BRINP3: variants seen among roughly 807,000 people sequenced by gnomAD.
The protein encoded by BRINP3 is BMP/retinoic acid-inducible neural-specific protein 3.
Under a neutral mutation model 71.0 loss-of-function variants are expected in BRINP3, and 19 were observed. The observed-to-expected ratio is 0.27, with a 90% CI of 0.19 to 0.39. The LOEUF (loss-of-function observed/expected upper bound fraction) is 0.39. BRINP3 is among the 10% of genes least tolerant of loss of function. The pLI is 1.00. For missense variants in BRINP3, 959 were observed against 940.8 expected (o/e 1.02, Z -0.25); for synonymous variants, 380 against 337.7 (o/e 1.13, Z -1.37).
chr1:190,440,090 G>A (rs560450154), intron 2 of BRINP3, among the ~76,000 whole-genome samples: 17 of 151,854 alleles, frequency 1.1e-4, no homozygotes, highest in South Asian at 4.1e-4. Context: ...TATAAAGTTC[G>A]ATTATAGGAA....
At chr1:190,157,925 C>A (rs889100097) in intron 7 of BRINP3, among the ~76,000 whole-genome samples, 11 of 152,014 alleles carry the variant, frequency 7.2e-5, no homozygotes, top group African/African-American at 2.7e-4. Flanking sequence ...CCATGGAATA[C>A]CACATAGCCA....
chr1:190,466,468 T>C (rs1265958241), intron 1 of BRINP3, among the ~76,000 whole-genome samples: 1 of 151,816 alleles, frequency 6.6e-6, no homozygotes, highest in Admixed American at 6.6e-5. Flanking sequence ...CTTTCAAAGA[T>C]GGTTCAGTAA....
chr1:190,229,809 T>A (rs1343110982), intron 5 of BRINP3, among the ~76,000 whole-genome samples: 2 of 151,962 alleles, frequency 1.3e-5, no homozygotes, highest in Non-Finnish European at 2.9e-5. Context: ...TCAATAATTT[T>A]AAAATATTTT....
intron 2 of BRINP3, among the ~76,000 whole-genome samples, chr1:190,384,261 T>A (rs1420436733): frequency 1.3e-5 from 2 of 151,690 alleles, no homozygotes; most frequent in Non-Finnish European, 2.9e-5. Flanking sequence ...CTAAAGAAAA[T>A]CTATTATTTT....
intron 2 of BRINP3, among the ~76,000 whole-genome samples, chr1:190,444,444 T>A (rs1018815404): frequency 6.6e-6 from 1 of 151,786 alleles, no homozygotes; most frequent in Non-Finnish European, 1.5e-5. Flanking sequence ...TATTAGCTTT[T>A]ACATTTAAAA....
intron 6 of BRINP3, among the ~76,000 whole-genome samples, chr1:190,192,074 A>G (rs1654082988): frequency 6.6e-6 from 1 of 152,154 alleles, no homozygotes; most frequent in Non-Finnish European, 1.5e-5. Context: ...GCTATTGCAA[A>G]CATGCTCTGA....
At chr1:190,233,323 C>G (rs571414136) in intron 5 of BRINP3, among the ~76,000 whole-genome samples, 29 of 151,958 alleles carry the variant, frequency 1.9e-4, no homozygotes, top group Admixed American at 1.6e-3. Context: ...TCCTGAGTAG[C>G]TGGGACTGCA....
intron 2 of BRINP3, among the ~76,000 whole-genome samples, chr1:190,291,602 A>C (rs1170657337): frequency 2.0e-5 from 3 of 152,168 alleles, no homozygotes; most frequent in Non-Finnish European, 2.9e-5. Flanking sequence ...AACCACAATG[A>C]GATATCACTT....
intron 7 of BRINP3, among the ~76,000 whole-genome samples, chr1:190,148,307 TA>T (rs1356215036): frequency 1.3e-5 from 2 of 151,824 alleles, no homozygotes; most frequent in African/African-American, 4.8e-5. Flanking sequence ...ACTTTTAAAA[TA>T]AATTCTTGCC....
At chr1:190,144,409 T>C (rs1473827489) in intron 7 of BRINP3, among the ~76,000 whole-genome samples, 1 of 152,090 alleles carries the variant, frequency 6.6e-6, no homozygotes, top group East Asian at 1.9e-4. Flanking sequence ...GACAATGGCA[T>C]CATCAACTGT....
intron 2 of BRINP3, among the ~76,000 whole-genome samples, chr1:190,404,199 T>C (rs758231469): frequency 6.6e-6 from 1 of 152,156 alleles, no homozygotes; most frequent in Non-Finnish European, 1.5e-5. Context: ...GTAATTCTAA[T>C]GAAAACATTT....
intron 6 of BRINP3, among the ~76,000 whole-genome samples, chr1:190,198,651 C>T (rs1284218374): frequency 6.6e-6 from 1 of 152,116 alleles, no homozygotes; most frequent in African/African-American, 2.4e-5. Flanking sequence ...AGTCTCTTTG[C>T]AAGGATTTAT....
intron 6 of BRINP3, among the ~76,000 whole-genome samples, chr1:190,209,967 G>A (rs1405441906): frequency 1.3e-5 from 2 of 152,018 alleles, no homozygotes; most frequent in East Asian, 3.9e-4. Flanking sequence ...TTAACTACTT[G>A]TTAGTTTGTC....
chr1:190,191,198 T>C (rs1208038592), intron 6 of BRINP3, among the ~76,000 whole-genome samples: 1 of 152,144 alleles, frequency 6.6e-6, no homozygotes, highest in Non-Finnish European at 1.5e-5. Context: ...TAGGTACATA[T>C]TAACATTACC....
chr1:190,122,694 C>T (rs914227600), intron 7 of BRINP3, among the ~76,000 whole-genome samples: 1 of 151,964 alleles, frequency 6.6e-6, no homozygotes, highest in African/African-American at 2.4e-5. Flanking sequence ...CAAACCTGCA[C>T]GTTGTGCACA....
chr1:190,456,415 C>T (rs772688415), intron 1 of BRINP3, among the ~76,000 whole-genome samples: 15 of 152,182 alleles, frequency 9.9e-5, no homozygotes, highest in South Asian at 2.1e-4. Flanking sequence ...CAAGTGAAGA[C>T]ATTTTAAAAA....
chr1:190,398,570 C>T (rs906434600), intron 2 of BRINP3, among the ~76,000 whole-genome samples: 11 of 151,850 alleles, frequency 7.2e-5, no homozygotes, highest in African/African-American at 2.7e-4. Context: ...CTTATGATTG[C>T]TAGCAAATAG....
At chr1:190,360,425 G>C (rs960958087) in intron 2 of BRINP3, among the ~76,000 whole-genome samples, 3 of 152,116 alleles carry the variant, frequency 2.0e-5, no homozygotes, top group Middle Eastern at 3.2e-3. Flanking sequence ...TAGGAAAATT[G>C]TTTTAGACAA....
intron 2 of BRINP3, among the ~76,000 whole-genome samples, chr1:190,401,538 C>A (rs1410430110): frequency 6.6e-6 from 1 of 151,924 alleles, no homozygotes; most frequent in Non-Finnish European, 1.5e-5. Context: ...GAGAGCATCA[C>A]CAGGAGCTTA....
Sources: gnomAD v4.1 joint callset for allele counts (sites outside exome capture counted in the v4.1 genomes callset) on GRCh38, gnomAD v4.1.1 for gene constraint, MANE v1.5 for transcripts, NCBI Gene and HGNC (gene_info 2026-07-23, HGNC 2026-07-21) for gene names.